PRR36: variants seen among roughly 807,000 people sequenced by gnomAD.
PRR36 encodes the protein proline rich 36.
A neutral mutation model predicts 58.6 loss-of-function variants in PRR36; 30 were observed. That is an observed-to-expected ratio of 0.51 (90% confidence interval 0.38 to 0.69). PRR36 has a LOEUF of 0.69. Among genes scored for constraint, PRR36 ranks in the 30% least tolerant of loss-of-function variants. PRR36 has a pLI of 0.00. For synonymous variants in PRR36, 771 were observed against 829.3 expected (o/e 0.93, Z 1.21); for missense variants, 1,692 against 1,805.6 (o/e 0.94, Z 1.14).
In PRR36 at chr19:7,871,652, A is replaced by G. The variant is rs1323530978; in HGVS notation, c.1592T>C (p.Leu531Pro). Residue 531 changes from leucine (L) to proline (P), a missense_variant, in exon 5 of 6, where the codon CTG (leucine) becomes CCG (proline). This residue lies in a region of PRR36 where 975 missense variants were observed against 955.2 expected (regional missense o/e 1.02). Transcript: ENST00000618550. Reference protein sequence around the residue: ...QDSPLLATLPLQASPSPLTTV... With the variant: ...QDSPLLATLPPQASPSPLTTV... ...GGTCAAAGGAGAGGGAGAGGCCTGCAGAGGCAATGTGGCCAGAAGAGGAGA... is the reference window on the plus strand; with the variant it reads ...GGTCAAAGGAGAGGGAGAGGCCTGCGGAGGCAATGTGGCCAGAAGAGGAGA... 1.3e-6 allele frequency: 2 copies of G among 1,535,934 alleles called. No individual in the cohort carries two copies. The highest frequency in any genetic ancestry group is 2.4e-5 in the East Asian group (1 of 40,892).
In PRR36 at chr19:7,871,606, AG is replaced by A; in HGVS notation, c.1637del (p.Pro546LeufsTer3). On this transcript the variant is annotated frameshift_variant, in exon 5 of 6. Coordinates refer to ENST00000618550, the MANE Select transcript of PRR36 (RefSeq NM_001190467.2). LOFTEE classifies it high-confidence loss of function. ...SPLTTVSLQD[P>X]PLVSPSLLAS... ...CCAAAAGAGAGGGAGAAACTAGAGGAGGATCCTGCAGAGAGACTGTGGTCAA... is the reference window on the plus strand; with the variant it reads ...CCAAAAGAGAGGGAGAAACTAGAGGAGATCCTGCAGAGAGACTGTGGTCAA... 6.5e-7 allele frequency: 1 copy of A among 1,535,660 alleles called. No homozygotes were observed. Among genetic ancestry groups the A allele is most frequent in the Non-Finnish European group, 8.7e-7 (1 of 1,146,814 alleles).
chr19:7,869,312 C>T lies in PRR36; in HGVS notation c.3762G>A (p.Ala1254=), dbSNP rs1446833243. ...GGCTCAGCAGGTGCTGCACGACGCT[C>T]GCCTGCAGCGCCCCCAGTGGCAGCT... ...LGELPLGALQ[A]SVVQHLLSRT... is the part of the protein sequence containing the mutation. Residue 1254 remains alanine (A), a synonymous_variant, in exon 6 of 6, where the codon GCG becomes GCA. Coordinates refer to ENST00000618550, the MANE Select transcript of PRR36 (RefSeq NM_001190467.2). 3 of 1,430,520 alleles carry T rather than the reference C, an allele frequency of 2.1e-6. No individual in the cohort carries two copies. The highest frequency in any genetic ancestry group is 3.0e-5 in the Admixed American group (1 of 33,096). The allele number at this position is 1,430,520 out of a possible 1,614,324, so 88.6% of individuals were successfully genotyped here.
rs894482000 is a variant in PRR36 at position 7,869,975 on chromosome 19, G to C, written c.3269C>G (p.Ser1090Trp). The C allele has an allele frequency of 7.2e-7, 1 of 1,392,984 alleles. No homozygotes were observed. Among genetic ancestry groups the C allele is most frequent in the South Asian group, 1.6e-5 (1 of 64,122 alleles). 86.3% of individuals were successfully genotyped at this position (1,392,984 alleles called of 1,614,324 possible). A position where few individuals can be genotyped will look rare whatever the true frequency, so the allele number is the denominator to read the frequency against. The change falls in exon 5 of 6, where the codon TCG becomes TGG. Residue 1090 changes from serine to tryptophan, a missense_variant. This residue lies in a region of PRR36 where 485 missense variants were observed against 549.2 expected (regional missense o/e 0.88). Transcript: ENST00000618550. ...CAACGCCAGGGTCAGCCGTGGGCCC[G>C]AGACGGAGGTATCCGGACCCGGGGT... Reference protein sequence around the residue: ...PPTPGPDTSVSGPRLTLALAP... With the variant: ...PPTPGPDTSVWGPRLTLALAP...
chr19:7,871,504 G>C lies in PRR36; in HGVS notation c.1740C>G (p.Pro580=), dbSNP rs1384009519. The stretch of plus-strand genomic sequence containing the variant: ...GTATTGGGGGAATGGTCTGGAGAGA[G>C]GGCGGGGCCTGCATAGGGGGCGTAG... ...SMTTPPMQAP[P]SLQTIPPIQV... Residue 580 remains proline, a synonymous_variant, in exon 5 of 6, where the codon CCC becomes CCG. Transcript: ENST00000618550. The C allele has an allele frequency of 2.0e-6, 3 of 1,535,174 alleles. No individual in the cohort carries two copies. Among genetic ancestry groups the C allele is most frequent in the Non-Finnish European group, 2.6e-6 (3 of 1,146,648 alleles).
chr19:7,868,821 C>A lies in PRR36; in HGVS notation c.*212G>T. The A allele has an allele frequency of 5.6e-6, 3 of 535,648 alleles. No homozygotes were observed. Among genetic ancestry groups the A allele is most frequent in the Non-Finnish European group, 9.6e-6 (3 of 314,124 alleles). The allele number at this position is 535,648 out of a possible 1,614,324, so 33.2% of individuals were successfully genotyped here. A position where few individuals can be genotyped will look rare whatever the true frequency, so the allele number is the denominator to read the frequency against. On this transcript the variant is annotated 3_prime_UTR_variant, in exon 6 of 6. Coordinates refer to ENST00000618550, the MANE Select transcript of PRR36 (RefSeq NM_001190467.2). ...TCGGGGAAACGGGGCGTGTCCTAGG[C>A]CAAAGGGGCGGAGCTCGAGGGGCGG... is the stretch of plus-strand genomic sequence containing the variant.
rs1980539623 is a variant in PRR36, at chr19:7,873,046, T to G, written c.375-85A>C. On this transcript the variant is annotated intron_variant, in intron 3 of 5. Coordinates refer to ENST00000618550, the MANE Select transcript of PRR36 (RefSeq NM_001190467.2). This position sits in a 1 kb window ranked among gnomAD's most constrained non-coding sequence, Gnocchi z 5.0. ...TTTTCCCATCTGTGAAATGGGCATG[T>G]GCCCTCTCTGAGGACCAATAATGGC... The G allele has an allele frequency of 7.4e-7, 1 of 1,359,590 alleles. No homozygotes were observed. Among genetic ancestry groups the G allele is most frequent in the Non-Finnish European group, 1.0e-6 (1 of 991,966 alleles). 84.2% of individuals were successfully genotyped at this position (1,359,590 alleles called of 1,614,324 possible).
chr19:7,871,182 G>C lies in PRR36; in HGVS notation c.2062C>G (p.Leu688Val). 6.5e-7 allele frequency: 1 copy of C among 1,535,324 alleles called. No homozygotes were observed. Among genetic ancestry groups the C allele is most frequent in the Non-Finnish European group, 8.7e-7 (1 of 1,146,716 alleles). Residue 688 changes from leucine (L) to valine (V), a missense_variant, in exon 5 of 6, where the codon CTG (leucine) becomes GTG (valine). Leu to Val is a conservative substitution (Grantham distance 32, BLOSUM62 1). This residue lies in a region of PRR36 where 975 missense variants were observed against 955.2 expected (regional missense o/e 1.02). Coordinates refer to ENST00000618550, the MANE Select transcript of PRR36 (RefSeq NM_001190467.2). ...PLSSPLTIHP[L>V]QALSSLASHS... ...GAGGCCAGAGAAGATAGCGCCTGCA[G>C]AGGGTGTATGGTCAGGGGTGAGCTT...
rs1462929697 is a variant in PRR36 at position 7,869,410 on chromosome 19, T to C, written c.3664A>G (p.Ser1222Gly). The change falls in exon 6 of 6, where the codon AGC (serine) becomes GGC (glycine). Residue 1222 changes from serine to glycine, a missense_variant. Around this residue, in one of 5 missense-constraint regions of PRR36, gnomAD observed 485 missense variants for 549.2 expected, o/e 0.88. Coordinates refer to ENST00000618550, the MANE Select transcript of PRR36 (RefSeq NM_001190467.2). ...GCCCCAGCCGCCGCCTTCCCACCGC[T>C]CGTGCCGGGACTGGGCCCCGGATCC... ...ALDPGPSPGT[S>G]GGKAAAGAGA... 1.5e-5 allele frequency: 23 copies of C among 1,485,944 alleles called. No homozygotes were observed. The East Asian group carries it at 6.7e-4, about 43-fold the overall frequency. The allele number at this position is 1,485,944 out of a possible 1,614,324, so 92.0% of individuals were successfully genotyped here. A position where few individuals can be genotyped will look rare whatever the true frequency, so the allele number is the denominator to read the frequency against.
chr19:7,873,613 G>A lies in PRR36; in HGVS notation c.77C>T (p.Thr26Ile). The A allele has an allele frequency of 3.9e-6, 6 of 1,535,110 alleles. No individual in the cohort carries two copies. The highest frequency in any genetic ancestry group is 5.2e-6 in the Non-Finnish European group (6 of 1,146,668). ...TCGAGGAGAGCCTGGGGGCCTGGGG[G>A]TCAGAAGTCCAGGAGCGCGAGCAGC... ...TPAARAPGLL[T>I]PRPPGSPRPP... The change falls in exon 2 of 6, where the codon ACC becomes ATC. Residue 26 changes from threonine to isoleucine, a missense_variant. By Grantham distance (89) the Thr-to-Ile change is moderately conservative. Coordinates refer to ENST00000618550, the MANE Select transcript of PRR36 (RefSeq NM_001190467.2). The surrounding 1 kb of genome is among the most constrained non-coding windows in gnomAD (Gnocchi z 5.0).
rs1980437203 is a variant in PRR36, at chr19:7,871,395, A to T, written c.1849T>A (p.Leu617Met). The change falls in exon 5 of 6, where the codon TTG (leucine) becomes ATG (methionine). Residue 617 changes from leucine to methionine, a missense_variant. Transcript: ENST00000618550. ...ALSSLQATTS[L>M]GSPTLQATHS... ...GTGGCCTGCAGAGTGGGTGAGCCCA[A>T]AGAAGTTGTGGCCTGCAGAGAGGAC... 1 of 1,535,122 alleles carries T rather than the reference A, an allele frequency of 6.5e-7. No homozygotes were observed. The highest frequency in any genetic ancestry group is 1.4e-5 in the African/African-American group (1 of 72,690).
chr19:7,868,995 G>T lies in PRR36; in HGVS notation c.*38C>A. 6.8e-7 allele frequency: 1 copy of T among 1,471,282 alleles called. No homozygotes were observed. Among genetic ancestry groups the T allele is most frequent in the Non-Finnish European group, 9.0e-7 (1 of 1,113,300 alleles). The allele number at this position is 1,471,282 out of a possible 1,614,324, so 91.1% of individuals were successfully genotyped here. A position where few individuals can be genotyped will look rare whatever the true frequency, so the allele number is the denominator to read the frequency against. ...CGTACCCGGAGGGGCGGATCCTAAGGCAGGGGTGGGGTGTAGCAGGCGGGG... is the reference window on the plus strand; with the variant it reads ...CGTACCCGGAGGGGCGGATCCTAAGTCAGGGGTGGGGTGTAGCAGGCGGGG... On this transcript the variant is annotated 3_prime_UTR_variant, in exon 6 of 6. Transcript: ENST00000618550.
chr19:7,869,115 G>T lies in PRR36; in HGVS notation c.3959C>A (p.Thr1320Asn). Residue 1320 changes from threonine (T) to asparagine (N), a missense_variant, in exon 6 of 6, where the codon ACC (threonine) becomes AAC (asparagine). Physicochemically the swap from Thr to Asn is moderately conservative, Grantham distance 65. Transcript: ENST00000618550. ...SPLDESRASI[T>N]SVTSFSPDDV... ...GTCCGGAGAGAAGCTGGTGACCGAG[G>T]TGATGCTGGCACGGGACTCGTCCAG... The T allele has an allele frequency of 6.5e-7, 1 of 1,535,158 alleles. No homozygotes were observed. Among genetic ancestry groups the T allele is most frequent in the Non-Finnish European group, 8.7e-7 (1 of 1,146,580 alleles).
chr19:7,874,037 G>T lies in PRR36; in HGVS notation c.-8+249C>A, dbSNP rs1372326252. ...GGGACTCAGACCGCCAGCCTCGAGA[G>T]CGGGGGACTGCCACGGGCTCAGGAT... On this transcript the variant is annotated intron_variant, in intron 1 of 5. Coordinates refer to ENST00000618550, the MANE Select transcript of PRR36 (RefSeq NM_001190467.2). This position sits in a 1 kb window ranked among gnomAD's most constrained non-coding sequence, Gnocchi z 6.0. Among the ~76,000 whole-genome samples, 1 of 152,030 alleles carries T rather than the reference G, an allele frequency of 6.6e-6. No homozygotes were observed. Among genetic ancestry groups the T allele is most frequent in the Non-Finnish European group, 1.5e-5 (1 of 67,984 alleles).
In PRR36 at chr19:7,873,535, G is replaced by A. The variant is rs965694404; in HGVS notation, c.155C>T (p.Ala52Val). ...AALRVLGAAG[A>V]VGRKPLAERA... is the part of the protein sequence containing the mutation. ...CTCTGCCAGAGGCTTTCGCCCCACT[G>A]CTCCCGCAGCTCCCAGAACTCGGAG... The change falls in exon 2 of 6, where the codon GCA becomes GTA. Residue 52 changes from alanine to valine, a missense_variant. Transcript: ENST00000618550. This position sits in a 1 kb window ranked among gnomAD's most constrained non-coding sequence, Gnocchi z 5.0. 7.8e-5 allele frequency: 119 copies of A among 1,535,260 alleles called. No individual in the cohort carries two copies. The highest frequency in any genetic ancestry group is 9.9e-5 in the Non-Finnish European group (114 of 1,146,798).
rs1980547837 is a variant in PRR36 at position 7,873,250 on chromosome 19, C to T, written c.321G>A (p.Lys107=). Reference sequence around the variant, plus strand: ...TAGAAACAGGGCCTGGGCTGGTGTTCTTGGCAGGAGGAGCTCTCTCCCCTC... The same window carrying T: ...TAGAAACAGGGCCTGGGCTGGTGTTTTTGGCAGGAGGAGCTCTCTCCCCTC... ...SGRGERAPPA[K]NTSPGPVSSP... The change falls in exon 3 of 6, where the codon AAG becomes AAA. Residue 107 remains lysine (K), a synonymous_variant. Coordinates refer to ENST00000618550, the MANE Select transcript of PRR36 (RefSeq NM_001190467.2). The surrounding 1 kb of genome is among the most constrained non-coding windows in gnomAD (Gnocchi z 5.0). 2.0e-6 allele frequency: 3 copies of T among 1,535,858 alleles called. No individual in the cohort carries two copies. Among genetic ancestry groups the T allele is most frequent in the African/African-American group, 1.4e-5 (1 of 73,022 alleles).
In PRR36 at chr19:7,871,866, C is replaced by T. The variant is rs1272246133; in HGVS notation, c.1378G>A (p.Ala460Thr). 6.5e-7 allele frequency: 1 copy of T among 1,535,774 alleles called. No individual in the cohort carries two copies. The highest frequency in any genetic ancestry group is 2.0e-5 in the Admixed American group (1 of 50,956). Residue 460 changes from alanine (A) to threonine (T), a missense_variant, in exon 5 of 6, where the codon GCC becomes ACC. Ala to Thr is a moderately conservative substitution (Grantham distance 58). This residue lies in a region of PRR36 where 975 missense variants were observed against 955.2 expected (regional missense o/e 1.02). Transcript: ENST00000618550. ...LSPLATPPLSAMSPLQGPVSP... is the reference protein window; with the variant it reads ...LSPLATPPLSTMSPLQGPVSP... ...ACAGGGCCTTGTAGAGGAGACATGG[C>T]TGACAGAGGAGGTGTGGCCAAGGGA...
In PRR36 at chr19:7,871,180, C is replaced by CAG; in HGVS notation, c.2062_2063dup (p.Gln689CysfsTer19). ...GGGAGGCCAGAGAAGATAGCGCCTG[C>CAG]AGAGGGTGTATGGTCAGGGGTGAGC... On this transcript the variant is annotated frameshift_variant, in exon 5 of 6. Transcript: ENST00000618550. LOFTEE classifies it high-confidence loss of function. 6.5e-7 allele frequency: 1 copy of CAG among 1,530,592 alleles called. No individual in the cohort carries two copies. The highest frequency in any genetic ancestry group is 8.7e-7 in the Non-Finnish European group (1 of 1,146,190). The allele number at this position is 1,530,592 out of a possible 1,614,324, so 94.8% of individuals were successfully genotyped here. A position where few individuals can be genotyped will look rare whatever the true frequency, so the allele number is the denominator to read the frequency against.
At position 7,871,781 on chromosome 19, in the gene PRR36, C is replaced by T. The variant is rs1599589859; in HGVS notation, c.1463G>A (p.Gly488Asp). Residue 488 changes from glycine to aspartate, a missense_variant, in exon 5 of 6, where the codon GGC becomes GAC. Around this residue, in one of 5 missense-constraint regions of PRR36, gnomAD observed 975 missense variants for 955.2 expected, o/e 1.02. Transcript: ENST00000618550. ...AGGGGGCGTGGTCAGAGCAGAAAGG[C>T]CTGGCTGAGGGAGTGCGGCCAGGGG... ...AFPLAALPQP[G>D]LSALTTPPPQ... 6.5e-7 allele frequency: 1 copy of T among 1,533,476 alleles called. No homozygotes were observed. The highest frequency in any genetic ancestry group is 1.4e-5 in the African/African-American group (1 of 72,194). The allele number at this position is 1,533,476 out of a possible 1,614,324, so 95.0% of individuals were successfully genotyped here. A position where few individuals can be genotyped will look rare whatever the true frequency, so the allele number is the denominator to read the frequency against.
Position 7,873,445 on chromosome 19 carries a change from C to A in PRR36, c.245G>T (p.Ser82Ile). 6.5e-7 allele frequency: 1 copy of A among 1,533,960 alleles called. No individual in the cohort carries two copies. Among genetic ancestry groups the A allele is most frequent in the Non-Finnish European group, 8.7e-7 (1 of 1,145,834 alleles). Residue 82 changes from serine (S) to isoleucine (I), a missense_variant, in exon 2 of 6, where the codon AGT becomes ATT. Coordinates refer to ENST00000618550, the MANE Select transcript of PRR36 (RefSeq NM_001190467.2). The surrounding 1 kb of genome is among the most constrained non-coding windows in gnomAD (Gnocchi z 5.0). ...AGGGTTTCGGGAACTTGTCCCAGCA[C>A]TCCGCGTTGGTCCCGCTCGGGGAGC... The part of the protein sequence containing the change: ...ESAPRAGPTR[S>I]AGTSSRNPAS...
Sources: allele counts gnomAD v4.1 joint callset (sites outside exome capture counted in the v4.1 genomes callset), GRCh38; gene constraint gnomAD v4.1.1; regional missense constraint gnomAD v4.1.1; non-coding constraint Gnocchi (gnomAD v3.1); transcripts MANE v1.5; gene names NCBI Gene and HGNC (gene_info 2026-07-23, HGNC 2026-07-21).